Variants in PRKAR2B observed in about 807,000 individuals in gnomAD.
PRKAR2B encodes cAMP-dependent protein kinase type II-beta regulatory subunit.
In PRKAR2B, 14 loss-of-function variants were observed where a neutral mutation model predicts 49.9. The ratio of observed to expected loss-of-function variants is 0.28; its 90% CI spans 0.19 to 0.44. PRKAR2B has a LOEUF of 0.44. Among genes scored for constraint, PRKAR2B ranks in the 20% least tolerant of loss-of-function variants. The probability of loss-of-function intolerance (pLI) is 1.00; values close to 1 mark genes in which losing one functional copy is unlikely to be tolerated. For missense variants in PRKAR2B, 393 were observed against 537.9 expected, an observed-to-expected ratio of 0.73 and a Z score of 2.67; for synonymous variants, 196 against 197.7, an observed-to-expected ratio of 0.99 and a Z score of 0.07.
intron 4 of PRKAR2B, among the ~76,000 whole-genome samples, chr7:107,138,742 G>A (rs200806655): frequency 1.3e-5 from 2 of 152,008 alleles, no homozygotes; most frequent in East Asian, 3.9e-4. Context: ...GGAGCGCAGT[G>A]GTGCGATCAT....
At chr7:107,127,879 G>A (rs1795527169) in intron 3 of PRKAR2B, among the ~76,000 whole-genome samples, 1 of 152,212 alleles carries the variant, frequency 6.6e-6, no homozygotes, top group African/African-American at 2.4e-5. Context: ...GTCCCCACTG[G>A]CTGGGAGCTT....
At chr7:107,116,353 T>C (rs1447558196) in intron 2 of PRKAR2B, among the ~76,000 whole-genome samples, 1 of 152,210 alleles carries the variant, frequency 6.6e-6, no homozygotes, top group Non-Finnish European at 1.5e-5. Context: ...CTCGTCTGTG[T>C]TCCTCCGGCA....
At chr7:107,136,872 A>G (rs1424475841) in intron 4 of PRKAR2B, among the ~76,000 whole-genome samples, 1 of 152,236 alleles carries the variant, frequency 6.6e-6, no homozygotes, top group Non-Finnish European at 1.5e-5. Flanking sequence ...TATTTGTAGC[A>G]GCTTTATTCA....
rs1269389636 is a variant in PRKAR2B at position 107,160,033 on chromosome 7, A to G, written c.*451A>G. On this transcript the variant is annotated 3_prime_UTR_variant, in exon 11 of 11. Transcript: ENST00000265717. ...CTTTTTTTTATAACTCATTAAACAC[A>G]GTAAAATTTTAATCATTTTTGTTTT... The G allele has an allele frequency of 6.5e-6, 1 of 153,426 alleles. No homozygotes were observed. Among genetic ancestry groups the G allele is most frequent in the Non-Finnish European group, 1.5e-5 (1 of 68,644 alleles). 9.5% of individuals were successfully genotyped at this position (153,426 alleles called of 1,614,324 possible). A position where few individuals can be genotyped will look rare whatever the true frequency, so the allele number is the denominator to read the frequency against.
At chr7:107,095,914 A>G (rs1237748196) in intron 2 of PRKAR2B, among the ~76,000 whole-genome samples, 1 of 152,188 alleles carries the variant, frequency 6.6e-6, no homozygotes, top group East Asian at 1.9e-4. Context: ...CGAGTATTTC[A>G]TTGAGGATTT....
intron 1 of PRKAR2B, chr7:107,067,287 A>G (rs992187014): frequency 2.0e-5 from 3 of 152,186 alleles, no homozygotes; most frequent in Non-Finnish European, 4.4e-5. Flanking sequence ...GTGACCGTTA[A>G]CTTGCTGAAA....
Position 107,153,889 on chromosome 7 carries a change from T to C in PRKAR2B, c.918+638T>C, listed in dbSNP as rs537156363. On this transcript the variant is annotated intron_variant, in intron 8 of 10. Coordinates refer to ENST00000265717, the MANE Select transcript of PRKAR2B (RefSeq NM_002736.3). ...TGAAGCACTAAGCAAATGATTAAAATGGATTTTTAATAGATTCTGTAATTT... is the reference window on the plus strand; with the variant it reads ...TGAAGCACTAAGCAAATGATTAAAACGGATTTTTAATAGATTCTGTAATTT... Among the ~76,000 whole-genome samples, 320 of 152,330 alleles carry C rather than the reference T, an allele frequency of 2.1e-3. 2 individuals are homozygous for C. Among genetic ancestry groups the C allele is most frequent in the African/African-American group, 7.1e-3 (296 of 41,574 alleles).
intron 3 of PRKAR2B, among the ~76,000 whole-genome samples, chr7:107,126,267 A>C (rs1314035425): frequency 6.8e-6 from 1 of 148,042 alleles, no homozygotes; most frequent in Non-Finnish European, 1.5e-5. Flanking sequence ...AAAAAAAAAA[A>C]AACCAAAGCC....
chr7:107,116,953 G>T (rs932458120), intron 2 of PRKAR2B, among the ~76,000 whole-genome samples: 1 of 144,392 alleles, frequency 6.9e-6, no homozygotes, highest in African/African-American at 2.7e-5. Flanking sequence ...GTGTGTGTGT[G>T]TGTATATATA....
At chr7:107,071,835 G>C (rs1392168871) in intron 2 of PRKAR2B, among the ~76,000 whole-genome samples, 1 of 152,172 alleles carries the variant, frequency 6.6e-6, no homozygotes, top group Non-Finnish European at 1.5e-5. Context: ...GGAGGCTGAG[G>C]CGGGCAGATC....
At position 107,161,199 on chromosome 7, in the gene PRKAR2B, A is replaced by G. The variant is rs1796191829; in HGVS notation, c.*1617A>G. The G allele has an allele frequency of 6.6e-6, 1 of 152,200 alleles. No individual in the cohort carries two copies. The highest frequency in any genetic ancestry group is 2.1e-4 in the South Asian group (1 of 4,828). 9.4% of individuals were successfully genotyped at this position (152,200 alleles called of 1,614,324 possible). A position where few individuals can be genotyped will look rare whatever the true frequency, so the allele number is the denominator to read the frequency against. On this transcript the variant is annotated 3_prime_UTR_variant, in exon 11 of 11. Coordinates refer to ENST00000265717, the MANE Select transcript of PRKAR2B (RefSeq NM_002736.3). ...CATTTTTGCAAAACCTTCTTGTAGG[A>G]AAAGAGAGCTCTCTACATGAAGATG...
chr7:107,095,334 A>G (rs1794815198), intron 2 of PRKAR2B, among the ~76,000 whole-genome samples: 1 of 152,110 alleles, frequency 6.6e-6, no homozygotes, highest in South Asian at 2.1e-4. Flanking sequence ...AATGCTTGTG[A>G]TTTTTGCACA....
intron 2 of PRKAR2B, among the ~76,000 whole-genome samples, chr7:107,100,399 A>G (rs2116812317): frequency 6.6e-6 from 1 of 152,232 alleles, no homozygotes; most frequent in Non-Finnish European, 1.5e-5. Flanking sequence ...GAAATAAATC[A>G]TTTCTCTCTT....
At chr7:107,073,170 C>T (rs974090918) in intron 2 of PRKAR2B, among the ~76,000 whole-genome samples, 2 of 152,086 alleles carry the variant, frequency 1.3e-5, no homozygotes, top group African/African-American at 4.8e-5. Context: ...TATTTCAAAC[C>T]TGAATAATTT....
At chr7:107,099,239 G>C (rs954833142) in intron 2 of PRKAR2B, among the ~76,000 whole-genome samples, 1 of 152,120 alleles carries the variant, frequency 6.6e-6, no homozygotes, top group East Asian at 1.9e-4. Flanking sequence ...CCCTAGCCTC[G>C]CTGCCGCCTT....
At chr7:107,089,062 G>A (rs1043986742) in intron 2 of PRKAR2B, among the ~76,000 whole-genome samples, 1 of 151,624 alleles carries the variant, frequency 6.6e-6, no homozygotes, top group Non-Finnish European at 1.5e-5. Context: ...TCTGCTACTC[G>A]GTAGGCTGAG....
intron 1 of PRKAR2B, among the ~76,000 whole-genome samples, chr7:107,053,314 AT>A (rs1177872914): frequency 6.6e-6 from 1 of 152,178 alleles, no homozygotes; most frequent in African/African-American, 2.4e-5. Flanking sequence ...TACAATATAA[AT>A]TTTGAAAGGA....
chr7:107,114,287 A>G (rs1328643686), intron 2 of PRKAR2B, among the ~76,000 whole-genome samples: 1 of 151,018 alleles, frequency 6.6e-6, no homozygotes, highest in African/African-American at 2.4e-5. Context: ...AAAATTACAC[A>G]TTACAAAAAC....
chr7:107,090,189 T>C (rs548927538), intron 2 of PRKAR2B, among the ~76,000 whole-genome samples: 1 of 152,320 alleles, frequency 6.6e-6, no homozygotes, highest in African/African-American at 2.4e-5. Context: ...GGGGTGCAGT[T>C]GGATTTCAGA....
Sources: gnomAD v4.1 joint callset for allele counts (sites outside exome capture counted in the v4.1 genomes callset) on GRCh38, gnomAD v4.1.1 for gene constraint, MANE v1.5 for transcripts, NCBI Gene and HGNC (gene_info 2026-07-23, HGNC 2026-07-21) for gene names.